Variants in PPM1B observed in about 807,000 individuals in gnomAD.
PPM1B encodes protein phosphatase, Mg2+/Mn2+ dependent 1B, also known as protein phosphatase 1B.
In PPM1B, 22 loss-of-function variants were observed where a neutral mutation model predicts 43.0. That is an observed-to-expected ratio of 0.51 (90% CI 0.37 to 0.73). The LOEUF (loss-of-function observed/expected upper bound fraction) is 0.73. Ranked by LOEUF, PPM1B falls within the 30% of genes least tolerant of loss-of-function variation. PPM1B has a pLI of 0.00. For synonymous variants in PPM1B, 217 were observed against 197.9 expected, an observed-to-expected ratio of 1.10 and a Z score of -0.81; for missense variants, 632 against 584.2, an observed-to-expected ratio of 1.08 and a Z score of -0.84.
At chr2:44,230,252 TTAA>T in intron 5 of PPM1B, 158 bp from the exon 6 acceptor site, 3 of 1,434,168 alleles carry the variant, frequency 2.1e-6, no homozygotes, top group Non-Finnish European at 2.8e-6. Flanking sequence ...GAAGTTTTTA[TTAA>T]TTGATACAGG....
chr2:44,187,102 C>T (rs1168494627), intron 1 of PPM1B, among the ~76,000 whole-genome samples: 2 of 152,214 alleles, frequency 1.3e-5, no homozygotes, highest in African/African-American at 4.8e-5. Flanking sequence ...CTTCTACCTC[C>T]AGTCCATGGT....
intron 3 of PPM1B, among the ~76,000 whole-genome samples, chr2:44,216,068 G>A (rs1192858453): frequency 6.6e-6 from 1 of 152,184 alleles, no homozygotes; most frequent in African/African-American, 2.4e-5. Flanking sequence ...ACTTTGACTT[G>A]TGGGAATTCA....
chr2:44,190,967 A>C (rs1193939726), intron 1 of PPM1B, among the ~76,000 whole-genome samples: 1 of 152,206 alleles, frequency 6.6e-6, no homozygotes, highest in Non-Finnish European at 1.5e-5. Context: ...TTGCTTCTTA[A>C]CATAAGGATC....
At chr2:44,195,585 G>A (rs1191809494) in intron 1 of PPM1B, among the ~76,000 whole-genome samples, 1 of 152,152 alleles carries the variant, frequency 6.6e-6, no homozygotes, top group East Asian at 1.9e-4. Context: ...TTTGATGTGG[G>A]AGGATTGCTG....
At chr2:44,173,586 A>G (rs1280750325) in intron 1 of PPM1B, among the ~76,000 whole-genome samples, 4 of 152,144 alleles carry the variant, frequency 2.6e-5, no homozygotes, top group African/African-American at 7.2e-5. Flanking sequence ...TTTTTGTTTT[A>G]CTATAACTAA....
chr2:44,207,734 C>T (rs573384163), intron 2 of PPM1B, among the ~76,000 whole-genome samples: 117 of 151,904 alleles, frequency 7.7e-4, no homozygotes, highest in African/African-American at 2.7e-3. Context: ...AGGTGTGTGC[C>T]ACTAAGCCCA....
At chr2:44,206,542 A>T (rs142527913) in intron 2 of PPM1B, among the ~76,000 whole-genome samples, 2,596 of 152,350 alleles carry the variant, frequency 0.017, 29 homozygotes, top group Admixed American at 0.025. Context: ...ATTTTCCAAA[A>T]GTATTTATAT....
At chr2:44,196,445 C>T (rs556560424) in intron 1 of PPM1B, among the ~76,000 whole-genome samples, 15 of 152,230 alleles carry the variant, frequency 9.9e-5, no homozygotes, top group Admixed American at 7.8e-4. Flanking sequence ...GAATATAAAC[C>T]GTTGATGTCA....
chr2:44,193,785 G>A (rs1045271518), intron 1 of PPM1B, among the ~76,000 whole-genome samples: 4 of 152,068 alleles, frequency 2.6e-5, no homozygotes, highest in Non-Finnish European at 2.9e-5. Context: ...TACCGTGTTG[G>A]CCAGGCTGGT....
At chr2:44,189,582 G>A (rs560326000) in intron 1 of PPM1B, among the ~76,000 whole-genome samples, 2 of 152,230 alleles carry the variant, frequency 1.3e-5, no homozygotes, top group East Asian at 3.9e-4. Context: ...TCCTGCCTCA[G>A]CCTCCCAAGT....
chr2:44,184,713 C>G (rs1427493137), intron 1 of PPM1B, among the ~76,000 whole-genome samples: 5 of 151,996 alleles, frequency 3.3e-5, no homozygotes, highest in African/African-American at 1.2e-4. Context: ...CAGACTAAAT[C>G]AGGGATTCTT....
intron 2 of PPM1B, among the ~76,000 whole-genome samples, chr2:44,207,593 T>A (rs78485588): frequency 5.9e-5 from 9 of 151,932 alleles, no homozygotes; most frequent in African/African-American, 1.9e-4. Flanking sequence ...TTTTTTTTTT[T>A]GAGAGAGAGT....
At position 44,191,135 on chromosome 2, in the gene PPM1B, A is replaced by C. The variant is rs150076887; in HGVS notation, c.-14-10051A>C. Among the ~76,000 whole-genome samples the C allele has an allele frequency of 9.1e-3, 1,382 of 152,364 alleles. 6 individuals are homozygous for C. The highest frequency in any genetic ancestry group is 0.014 in the Middle Eastern group (4 of 294). ...GTCTTAGTAGTTTTAGTGTTTATACAACTCAAGCATGTTTTTAAATACTTT... is the reference window on the plus strand; with the variant it reads ...GTCTTAGTAGTTTTAGTGTTTATACCACTCAAGCATGTTTTTAAATACTTT... On this transcript the variant is annotated intron_variant, in intron 1 of 5. Coordinates refer to ENST00000282412, the MANE Select transcript of PPM1B (RefSeq NM_002706.6).
chr2:44,241,896 T>C (rs565795062), intron 5 of PPM1B, among the ~76,000 whole-genome samples: 29 of 115,578 alleles, frequency 2.5e-4, no homozygotes, highest in African/African-American at 8.2e-4. Flanking sequence ...TCTCGCACTC[T>C]CGTCCAGGCT....
At chr2:44,237,841 C>G (rs866007478), downstream of PPM1B, among the ~76,000 whole-genome samples, 1 of 152,084 alleles carries the variant, frequency 6.6e-6, no homozygotes, top group Non-Finnish European at 1.5e-5. Flanking sequence ...TTTTTGGGCA[C>G]TGATTATGAA....
chr2:44,215,194 T>A (rs1330166922), intron 3 of PPM1B, among the ~76,000 whole-genome samples: 1 of 152,234 alleles, frequency 6.6e-6, no homozygotes, highest in African/African-American at 2.4e-5. Context: ...ACTTAAAATG[T>A]AACTTCACAG....
At chr2:44,239,860 T>C (rs939625922) in intron 5 of PPM1B, among the ~76,000 whole-genome samples, 4 of 151,550 alleles carry the variant, frequency 2.6e-5, no homozygotes, top group Non-Finnish European at 4.4e-5. Flanking sequence ...CCATTTCTAG[T>C]TTCTTCTGCT....
chr2:44,206,199 AT>A (rs1344489587), intron 2 of PPM1B, among the ~76,000 whole-genome samples: 1 of 152,158 alleles, frequency 6.6e-6, no homozygotes, highest in Non-Finnish European at 1.5e-5. Flanking sequence ...TGCAGAGCTA[AT>A]TTCTTTAGTT....
chr2:44,225,556 A>G (rs1224926688), intron 5 of PPM1B, among the ~76,000 whole-genome samples: 4 of 152,262 alleles, frequency 2.6e-5, no homozygotes, highest in Non-Finnish European at 5.9e-5. Context: ...AAGTGTGGTC[A>G]TTAGCTAAAG....
Sources: gnomAD v4.1 joint callset for allele counts (sites outside exome capture counted in the v4.1 genomes callset) on GRCh38, gnomAD v4.1.1 for gene constraint, MANE v1.5 for transcripts, NCBI Gene and HGNC (gene_info 2026-07-23, HGNC 2026-07-21) for gene names.